SSR2: variants seen among roughly 807,000 people sequenced by gnomAD.
SSR2 encodes signal sequence receptor subunit 2, also known as translocon-associated protein subunit beta.
In SSR2, 16 loss-of-function variants were observed where a neutral mutation model predicts 22.6. The observed-to-expected ratio is 0.71, with a 90% CI of 0.48 to 1.08. The LOEUF (loss-of-function observed/expected upper bound fraction) is 1.08, where lower values mean the gene tolerates loss of function less well. Ranked by LOEUF, SSR2 falls within the 50% of genes least tolerant of loss-of-function variation. The pLI, the probability that SSR2 is intolerant of heterozygous loss-of-function variation, is 0.00. For synonymous variants in SSR2, 83 were observed against 91.2 expected (o/e 0.91, Z 0.51); for missense variants, 171 against 221.6 (o/e 0.77, Z 1.45).
chr1:156,019,050 AAAATT>A (rs1347559251), intron 2 of SSR2: 1 of 186,572 alleles, frequency 5.4e-6, no homozygotes, highest in East Asian at 1.3e-4. Flanking sequence ...TAATAATAAA[AAAATT>A]AAATTAAAGC....
intron 1 of SSR2, chr1:156,020,437 C>T (rs1488145158): frequency 7.7e-6 from 3 of 390,780 alleles, no homozygotes; most frequent in South Asian, 2.3e-5. Flanking sequence ...CTGGTGGAGT[C>T]TTCTGAGGGG....
chr1:156,009,786 T>C (rs1682954443), intron 5 of SSR2, 136 bp from the exon 6 acceptor site: 1 of 600,690 alleles, frequency 1.7e-6, no homozygotes, highest in East Asian at 3.2e-5. Flanking sequence ...CTTAGTTTTT[T>C]TTTTTGAGAC....
At chr1:156,019,025 A>T in intron 2 of SSR2, 1 of 193,456 alleles carries the variant, frequency 5.2e-6, no homozygotes, top group Non-Finnish European at 1.1e-5. Context: ...ACAGAGTGAT[A>T]CTCCATCTAA....
chr1:156,019,676 T>C (rs1024120589), intron 2 of SSR2, among the ~76,000 whole-genome samples: 7 of 152,156 alleles, frequency 4.6e-5, no homozygotes, highest in South Asian at 2.1e-4. Context: ...TGAGCTACCA[T>C]GCCAGGCTGG....
intron 1 of SSR2, 41 bp from the exon 2 acceptor site, chr1:156,020,208 G>A: frequency 3.1e-6 from 5 of 1,607,854 alleles, no homozygotes; most frequent in South Asian, 1.1e-5. Context: ...AACCAAGTAC[G>A]TCAAATTCAC....
chr1:156,018,198 G>T, intron 3 of SSR2, 72 bp downstream of exon 3: 1 of 1,144,718 alleles, frequency 8.7e-7, no homozygotes, highest in Non-Finnish European at 1.3e-6. Context: ...CCTATTTGAA[G>T]TACCCCTGCT....
intron 4 of SSR2, chr1:156,012,239 G>A (rs995528511): frequency 5.8e-5 from 17 of 295,286 alleles, no homozygotes; most frequent in African/African-American, 3.7e-4. Flanking sequence ...ACCACCACTG[G>A]TCCCTCTACA....
rs1426044464 is a variant in SSR2 at position 156,018,367 on chromosome 1, C to T, written c.157G>A (p.Ala53Thr). ...TCAGATAGTTCCACGTCTAATGCAG[C>T]ACTAGAAAATGGATGAAACAAAAAG... ...QYNIYNVGSS[A>T]ALDVELSDDS... Residue 53 changes from alanine (A) to threonine (T), a missense_variant and splice_region_variant, in exon 3 of 6, where the codon GCT becomes ACT. By Grantham distance (58) the Ala-to-Thr change is moderately conservative. Coordinates refer to ENST00000295702, the MANE Select transcript of SSR2 (RefSeq NM_003145.4). The T allele has an allele frequency of 3.1e-6, 5 of 1,611,950 alleles. No individual in the cohort carries two copies. The highest frequency in any genetic ancestry group is 4.2e-6 in the Non-Finnish European group (5 of 1,178,668).
intron 4 of SSR2, chr1:156,014,384 T>A (rs1683021513): frequency 6.6e-6 from 1 of 152,268 alleles, no homozygotes; most frequent in African/African-American, 2.4e-5. Context: ...GTACTGGGAT[T>A]ACAGGCGTGA....
intron 1 of SSR2, chr1:156,020,487 A>C: frequency 3.2e-6 from 1 of 311,876 alleles, no homozygotes; most frequent in South Asian, 3.0e-5. Flanking sequence ...GGGGTGCCTG[A>C]TTTCGGCCGA....
At chr1:156,011,708 G>A in intron 5 of SSR2, 102 bp downstream of exon 5, 4 of 940,834 alleles carry the variant, frequency 4.3e-6, no homozygotes, top group Non-Finnish European at 5.0e-6. Flanking sequence ...CACAGGGCAA[G>A]AACCAACCAA....
In SSR2 at chr1:156,014,967, G is replaced by A. The variant is rs531825056; in HGVS notation, c.357C>T (p.Pro119=). 106 of 1,613,060 alleles carry A rather than the reference G, an allele frequency of 6.6e-5. No homozygotes were observed. The highest frequency in any genetic ancestry group is 3.8e-4 in the East Asian group (17 of 44,858). ...AAGGGTTTGGGCAACTCACCACAAC[G>A]GGCCCATCCTCCTGGGCCAGGTAAG... is the stretch of plus-strand genomic sequence containing the variant. ...TITYLAQEDG[P]VVIGSTSAPG... Residue 119 remains proline, a synonymous_variant, in exon 4 of 6, where the codon CCC becomes CCT. Coordinates refer to ENST00000295702, the MANE Select transcript of SSR2 (RefSeq NM_003145.4).
chr1:156,018,154 G>T, intron 3 of SSR2, 116 bp downstream of exon 3: 1 of 729,164 alleles, frequency 1.4e-6, no homozygotes. Flanking sequence ...ATCTTATCCA[G>T]AGAGATGACA....
chr1:156,019,806 G>A (rs183230175), intron 2 of SSR2, among the ~76,000 whole-genome samples: 10 of 152,180 alleles, frequency 6.6e-5, no homozygotes, highest in African/African-American at 1.9e-4. Flanking sequence ...CTTCCAACCC[G>A]AAACGTGAAA....
chr1:156,011,110 G>C (rs1236840501), intron 5 of SSR2: 2 of 151,438 alleles, frequency 1.3e-5, no homozygotes, highest in East Asian at 3.9e-4. Context: ...TTACTATTTT[G>C]AGTCCTCTAT....
chr1:156,012,830 G>C (rs777615004), intron 4 of SSR2: 2 of 281,630 alleles, frequency 7.1e-6, no homozygotes, highest in Non-Finnish European at 1.4e-5. Flanking sequence ...TTGAGGACTT[G>C]GACAGTATAT....
In SSR2 at chr1:156,011,817, G is replaced by A. The variant is rs1287973489; in HGVS notation, c.434C>T (p.Pro145Leu). ...AQREFDRRFS[P>L]HFLDWAAFGV... is the part of the protein sequence containing the mutation. ...GAACACTAGAAAGCTTACAAAATGA[G>A]GGGAGAATCGCCTGTCAAACTCCCG... The change falls in exon 5 of 6, where the codon CCT becomes CTT. Residue 145 changes from proline to leucine, a missense_variant. Pro to Leu is a moderately conservative substitution (Grantham distance 98, BLOSUM62 -3). Transcript: ENST00000295702. 6.2e-7 allele frequency: 1 copy of A among 1,613,556 alleles called. No individual in the cohort carries two copies. Among genetic ancestry groups the A allele is most frequent in the African/African-American group, 1.3e-5 (1 of 75,020 alleles).
chr1:156,020,705 C>G (rs1424823390), intron 1 of SSR2, 183 bp downstream of exon 1: 62 of 192,466 alleles, frequency 3.2e-4, no homozygotes, highest in African/African-American at 3.0e-3. Flanking sequence ...GTCCCACGGG[C>G]GGGGGGGCGG....
rs972203574 is a variant in SSR2 at position 156,009,567 on chromosome 1, A to G, written c.525T>C (p.Tyr175=). The change falls in exon 6 of 6, where the codon TAT becomes TAC. Residue 175 remains tyrosine (Y), a synonymous_variant. Coordinates refer to ENST00000295702, the MANE Select transcript of SSR2 (RefSeq NM_003145.4). ...LLLWYSSKRK[Y]DTPKTKKN Reference sequence around the variant, plus strand: ...AGTTCTTCTTCGTTTTGGGAGTGTCATATTTCCTCTTGCTGGAGTACCACA... The same window carrying G: ...AGTTCTTCTTCGTTTTGGGAGTGTCGTATTTCCTCTTGCTGGAGTACCACA... The G allele has an allele frequency of 1.4e-5, 22 of 1,613,444 alleles. No individual in the cohort carries two copies. Among genetic ancestry groups the G allele is most frequent in the Non-Finnish European group, 1.8e-5 (21 of 1,179,784 alleles).
Sources: allele counts gnomAD v4.1 joint callset (sites outside exome capture counted in the v4.1 genomes callset), GRCh38; gene constraint gnomAD v4.1.1; transcripts MANE v1.5; gene names NCBI Gene and HGNC (gene_info 2026-07-23, HGNC 2026-07-21).